DENND6A: variants seen among roughly 807,000 people sequenced by gnomAD.
The protein encoded by DENND6A is DENN domain containing 6A, also known as protein DENND6A.
In DENND6A, 43 loss-of-function variants were observed where a neutral mutation model predicts 95.5. The observed-to-expected ratio is 0.45, with a 90% CI of 0.35 to 0.58. The LOEUF is 0.58. Ranked by LOEUF, DENND6A falls within the 20% of genes least tolerant of loss-of-function variation. The pLI is 0.00. For missense variants in DENND6A, 574 were observed against 736.0 expected, an observed-to-expected ratio of 0.78 and a Z score of 2.55; for synonymous variants, 257 against 260.4, an observed-to-expected ratio of 0.99 and a Z score of 0.13.
chr3:57,634,660 A>C, intron 13 of DENND6A, 38 bp from the exon 14 acceptor site: 3 of 1,493,084 alleles, frequency 2.0e-6, no homozygotes, highest in Non-Finnish European at 2.7e-6. Context: ...AAAAAACCCA[A>C]GTACCATATA....
intron 12 of DENND6A, 92 bp from the exon 13 acceptor site, chr3:57,634,861 T>A (rs1165728589): frequency 3.9e-6 from 4 of 1,019,054 alleles, no homozygotes; most frequent in Non-Finnish European, 5.5e-6. Flanking sequence ...TGTTTATTAC[T>A]TAAGTATGTT....
chr3:57,684,353 C>T lies in DENND6A; in HGVS notation c.237+8429G>A, dbSNP rs142598277. Among the ~76,000 whole-genome samples the T allele has an allele frequency of 4.1e-3, 628 of 151,960 alleles. 5 individuals carry two copies. Among genetic ancestry groups the T allele is most frequent in the African/African-American group, 0.015 (609 of 41,470 alleles). Reference sequence around the variant, plus strand: ...TGGCACGTGCCTGTAATCCCAGCTACTTAGGAGGCTGAGGCAGGAGAATCG... The same window carrying T: ...TGGCACGTGCCTGTAATCCCAGCTATTTAGGAGGCTGAGGCAGGAGAATCG... On this transcript the variant is annotated intron_variant, in intron 1 of 19. Coordinates refer to ENST00000311128, the MANE Select transcript of DENND6A (RefSeq NM_152678.3).
chr3:57,691,042 T>G (rs2077259849), intron 1 of DENND6A, among the ~76,000 whole-genome samples: 2 of 152,240 alleles, frequency 1.3e-5, no homozygotes, highest in African/African-American at 4.8e-5. Context: ...TAATTCACAT[T>G]TTTGCAGCAT....
At chr3:57,661,152 A>T (rs1282667508) in intron 6 of DENND6A, among the ~76,000 whole-genome samples, 1 of 152,224 alleles carries the variant, frequency 6.6e-6, no homozygotes, top group Non-Finnish European at 1.5e-5. Context: ...GTAGCAAGTG[A>T]CATAAGGATT....
chr3:57,630,343 A>C, intron 18 of DENND6A, 78 bp downstream of exon 18: 1 of 1,285,242 alleles, frequency 7.8e-7, no homozygotes, highest in Non-Finnish European at 1.1e-6. Flanking sequence ...GATAAAGGGT[A>C]CAATCTTCAA....
Position 57,661,363 on chromosome 3 carries a change from T to A in DENND6A, c.619+83A>T, listed in dbSNP as rs953837749. 3.8e-6 allele frequency: 4 copies of A among 1,063,956 alleles called. No individual in the cohort carries two copies. In the African/African-American group the frequency reaches 5.0e-5, roughly 13 times the overall value. 65.9% of individuals were successfully genotyped at this position (1,063,956 alleles called of 1,614,324 possible). A position where few individuals can be genotyped will look rare whatever the true frequency, so the allele number is the denominator to read the frequency against. The stretch of plus-strand genomic sequence containing the variant: ...AAGTTCCTACCTGAATTTTTATAAA[T>A]TGTTATAAATCAACTTCATTTTTAT... On this transcript the variant is annotated intron_variant, in intron 6 of 19. Coordinates refer to ENST00000311128, the MANE Select transcript of DENND6A (RefSeq NM_152678.3).
intron 11 of DENND6A, among the ~76,000 whole-genome samples, chr3:57,644,398 T>G (rs2071021198): frequency 1.3e-5 from 2 of 151,760 alleles, no homozygotes; most frequent in African/African-American, 2.4e-5. Flanking sequence ...CTCTGCCTCC[T>G]AGGCTCAAGC....
rs1249169643 is a variant in DENND6A, at chr3:57,628,325, G to C, written c.1716C>G (p.His572Gln). 6.2e-7 allele frequency: 1 copy of C among 1,613,964 alleles called. No homozygotes were observed. The highest frequency in any genetic ancestry group is 8.5e-7 in the Non-Finnish European group (1 of 1,180,014). Residue 572 changes from histidine (H) to glutamine (Q), a missense_variant, in exon 20 of 20, where the codon CAC becomes CAG. By Grantham distance (24) the His-to-Gln change is conservative (BLOSUM62 0). Around this residue, in one of 2 missense-constraint regions of DENND6A, gnomAD observed 452 missense variants for 630.9 expected, o/e 0.72. Coordinates refer to ENST00000311128, the MANE Select transcript of DENND6A (RefSeq NM_152678.3). ...CCATAGTGTCAGGTTTCACAGGTAA[G>C]TGCTCTCGATCAGCCTGCAACTACA... ...KNKLLQADRE[H>Q]LPVKPDTMEK...
In DENND6A at chr3:57,628,083, T is replaced by C. The variant is rs2070570781; in HGVS notation, c.*131A>G. 2.3e-6 allele frequency: 3 copies of C among 1,325,246 alleles called. No homozygotes were observed. The highest frequency in any genetic ancestry group is 4.8e-5 in the Admixed American group (2 of 41,540). 82.1% of individuals were successfully genotyped at this position (1,325,246 alleles called of 1,614,324 possible). A position where few individuals can be genotyped will look rare whatever the true frequency, so the allele number is the denominator to read the frequency against. ...GTCTGTTTATACAATACAGTCTTTC[T>C]ACCCTGTAACTAGCATTCATGGCAA... On this transcript the variant is annotated 3_prime_UTR_variant, in exon 20 of 20. Transcript: ENST00000311128.
chr3:57,683,068 T>G (rs2077181030), intron 1 of DENND6A, among the ~76,000 whole-genome samples: 1 of 152,186 alleles, frequency 6.6e-6, no homozygotes, highest in Non-Finnish European at 1.5e-5. Context: ...TAGAATCCTT[T>G]GTGCATGTTA....
chr3:57,630,972 A>G lies in DENND6A; in HGVS notation c.1360T>C (p.Tyr454His). The G allele has an allele frequency of 6.2e-7, 1 of 1,613,048 alleles. No individual in the cohort carries two copies. The highest frequency in any genetic ancestry group is 8.5e-7 in the Non-Finnish European group (1 of 1,179,788). ...TQSFIIPLER[Y>H]VASLMPLQKS... ...TGCAAAGGCATCAAGCTTGCCACAT[A>G]TCTTTCCTAAAACCAAGAAAAAAGT... Residue 454 changes from tyrosine to histidine, a missense_variant, in exon 16 of 20, where the codon TAT (tyrosine) becomes CAT (histidine). Tyr to His is a moderately conservative substitution (Grantham distance 83, BLOSUM62 2). Coordinates refer to ENST00000311128, the MANE Select transcript of DENND6A (RefSeq NM_152678.3).
chr3:57,654,587 G>C (rs2071284726), intron 9 of DENND6A: 1 of 963,062 alleles, frequency 1.0e-6, no homozygotes, highest in African/African-American at 1.8e-5. Flanking sequence ...AAATGTCCCT[G>C]ACTCTAAGGC....
At chr3:57,653,831 GT>G (rs571512945) in intron 9 of DENND6A, among the ~76,000 whole-genome samples, 11,220 of 139,592 alleles carry the variant, frequency 0.08, 1,459 homozygotes, top group African/African-American at 0.27. Flanking sequence ...AAATCACTGG[GT>G]TTTTTTTTTT....
intron 4 of DENND6A, among the ~76,000 whole-genome samples, chr3:57,665,018 T>C (rs1340278515): frequency 6.6e-6 from 1 of 152,138 alleles, no homozygotes; most frequent in Non-Finnish European, 1.5e-5. Flanking sequence ...TTGAAAGGGC[T>C]AGGAGTTTCA....
At chr3:57,664,661 T>C (rs1444227509) in intron 4 of DENND6A, among the ~76,000 whole-genome samples, 5 of 152,172 alleles carry the variant, frequency 3.3e-5, no homozygotes, top group South Asian at 2.1e-4. Flanking sequence ...GGTGAATCCC[T>C]GTCTCTACTA....
chr3:57,653,941 CTTTTTTTT>C (rs1206882170), intron 9 of DENND6A, among the ~76,000 whole-genome samples: 1 of 75,820 alleles, frequency 1.3e-5, no homozygotes, highest in African/African-American at 6.1e-5. Flanking sequence ...TAGAAATTCA[CTTTTTTTT>C]TTTTTTTTTT....
chr3:57,674,657 A>G (rs892282942), intron 1 of DENND6A, among the ~76,000 whole-genome samples: 5 of 152,192 alleles, frequency 3.3e-5, no homozygotes, highest in Non-Finnish European at 7.3e-5. Context: ...AATAAATAAG[A>G]TAAAATAAAT....
chr3:57,687,382 A>C (rs2077220355), intron 1 of DENND6A, among the ~76,000 whole-genome samples: 1 of 152,212 alleles, frequency 6.6e-6, no homozygotes, highest in Non-Finnish European at 1.5e-5. Context: ...GCAGAAGAAA[A>C]GTTGGAAGCT....
intron 1 of DENND6A, 121 bp from the exon 2 acceptor site, chr3:57,672,559 G>C: frequency 1.0e-6 from 1 of 980,626 alleles, no homozygotes; most frequent in Non-Finnish European, 1.5e-6. Flanking sequence ...AAGGCAGGCG[G>C]ATCACTTGAG....
Sources: allele counts gnomAD v4.1 joint callset (sites outside exome capture counted in the v4.1 genomes callset), GRCh38; gene constraint gnomAD v4.1.1; regional missense constraint gnomAD v4.1.1; transcripts MANE v1.5; gene names NCBI Gene and HGNC (gene_info 2026-07-23, HGNC 2026-07-21).